DGKI: variants seen among roughly 807,000 people sequenced by gnomAD.
DGKI encodes the protein diacylglycerol kinase iota.
A neutral mutation model predicts 147.5 loss-of-function variants in DGKI; 55 were observed. That is an observed-to-expected ratio of 0.37 (90% CI 0.30 to 0.47). DGKI has a LOEUF of 0.47. Ranked by LOEUF, DGKI falls within the 20% of genes least tolerant of loss-of-function variation. The probability of loss-of-function intolerance (pLI) is 1.00; values close to 1 mark genes in which losing one functional copy is unlikely to be tolerated. For synonymous variants in DGKI, 469 were observed against 477.1 expected (o/e 0.98, Z 0.22); for missense variants, 1,007 against 1,323.8 (o/e 0.76, Z 3.71).
At chr7:137,618,151 A>ATATATATATATATATATATATATTT in intron 8 of DGKI, among the ~76,000 whole-genome samples, 24 of 10,440 alleles carry the variant, frequency 2.3e-3, no homozygotes, top group Non-Finnish European at 3.6e-3. Context: ...ATATATATAT[A>ATATATATATATATATATATATATTT]TTTTTTTTTT....
intron 1 of DGKI, among the ~76,000 whole-genome samples, chr7:137,750,576 CCT>C (rs1795465433): frequency 6.6e-6 from 1 of 152,126 alleles, no homozygotes; most frequent in South Asian, 2.1e-4. Flanking sequence ...CACTCACCTT[CCT>C]CTCTCAAAAA....
rs1209579595 is a variant in DGKI at position 137,638,491 on chromosome 7, CACAT to C, written c.804+6977_804+6980del. Among the ~76,000 whole-genome samples the C allele has an allele frequency of 2.7e-4, 33 of 121,428 alleles. 4 individuals carry two copies. Among genetic ancestry groups the C allele is most frequent in the Admixed American group, 2.3e-3 (28 of 12,276 alleles). The allele number at this position is 121,428 out of a possible 152,430, so 79.7% of individuals were successfully genotyped here. A position where few individuals can be genotyped will look rare whatever the true frequency, so the allele number is the denominator to read the frequency against. ...GTATATATGTGTGTATATATATACA[CACAT>C]ATATATGTATATATATGTGTGTATA... On this transcript the variant is annotated intron_variant, in intron 6 of 32. Coordinates refer to ENST00000614521, the MANE Select transcript of DGKI (RefSeq NM_001321708.2).
At chr7:137,696,031 C>T (rs1160571328) in intron 1 of DGKI, among the ~76,000 whole-genome samples, 3 of 152,144 alleles carry the variant, frequency 2.0e-5, no homozygotes, top group Non-Finnish European at 4.4e-5. Flanking sequence ...TATTATTGTT[C>T]GTACACACAT....
chr7:137,790,382 G>A (rs1250808299), intron 1 of DGKI, among the ~76,000 whole-genome samples: 1 of 152,138 alleles, frequency 6.6e-6, no homozygotes, highest in African/African-American at 2.4e-5. Flanking sequence ...ACTGCAATAA[G>A]CTACTGTGAG....
At chr7:137,651,055 TAA>T (rs1018049064) in intron 5 of DGKI, among the ~76,000 whole-genome samples, 4 of 152,246 alleles carry the variant, frequency 2.6e-5, no homozygotes, top group African/African-American at 9.6e-5. Flanking sequence ...GCTTTTGCTC[TAA>T]GAGTTATGGA....
chr7:137,756,484 A>G (rs1795686318), intron 1 of DGKI, among the ~76,000 whole-genome samples: 1 of 152,252 alleles, frequency 6.6e-6, no homozygotes, highest in Admixed American at 6.5e-5. Context: ...AAATCTTACA[A>G]TGTGAGAAAG....
At position 137,619,949 on chromosome 7, in the gene DGKI, A is replaced by T; in HGVS notation, c.877-9T>A. The T allele has an allele frequency of 6.2e-7, 1 of 1,608,514 alleles. No homozygotes were observed. On this transcript the variant is annotated splice_polypyrimidine_tract_variant and intron_variant, in intron 7 of 32. Coordinates refer to ENST00000614521, the MANE Select transcript of DGKI (RefSeq NM_001321708.2). ...GTCACCTTATTGTGAAACTGAAGAGAAAAATAAGCCAGTAAACAATTCTGG... is the reference window on the plus strand; with the variant it reads ...GTCACCTTATTGTGAAACTGAAGAGTAAAATAAGCCAGTAAACAATTCTGG...
chr7:137,524,737 T>A (rs1399585094), intron 20 of DGKI, among the ~76,000 whole-genome samples: 4 of 152,264 alleles, frequency 2.6e-5, no homozygotes, highest in East Asian at 1.9e-4. Flanking sequence ...GGGCAGAGGT[T>A]GAATGAACTC....
chr7:137,482,455 T>C (rs1285037735), intron 23 of DGKI, among the ~76,000 whole-genome samples: 1 of 151,928 alleles, frequency 6.6e-6, no homozygotes, highest in African/African-American at 2.4e-5. Flanking sequence ...TAAGCACCAT[T>C]CATCCATTTG....
intron 1 of DGKI, among the ~76,000 whole-genome samples, chr7:137,712,294 A>G (rs564355872): frequency 6.6e-6 from 1 of 152,156 alleles, no homozygotes; most frequent in Non-Finnish European, 1.5e-5. Flanking sequence ...TACCCTTTAT[A>G]ATTTCCAAAT....
intron 20 of DGKI, among the ~76,000 whole-genome samples, chr7:137,543,925 G>A (rs1817784032): frequency 6.6e-6 from 1 of 152,020 alleles, no homozygotes; most frequent in Admixed American, 6.6e-5. Flanking sequence ...TTTATTAACT[G>A]ATTTTTAAAA....
intron 21 of DGKI, among the ~76,000 whole-genome samples, chr7:137,511,626 G>A (rs934228683): frequency 6.6e-6 from 1 of 152,218 alleles, no homozygotes; most frequent in East Asian, 1.9e-4. Context: ...ATAGATCGTT[G>A]TTAAATGAAG....
intron 19 of DGKI, among the ~76,000 whole-genome samples, chr7:137,562,118 A>T (rs1229014911): frequency 1.3e-5 from 2 of 152,220 alleles, no homozygotes; most frequent in East Asian, 3.8e-4. Flanking sequence ...ACAGGTGGGT[A>T]ACAAAGGACT....
chr7:137,464,057 G>A (rs1814554868), intron 26 of DGKI, among the ~76,000 whole-genome samples: 1 of 151,866 alleles, frequency 6.6e-6, no homozygotes, highest in Non-Finnish European at 1.5e-5. Flanking sequence ...GTCTAGCAAG[G>A]CCAAAGCATT....
chr7:137,711,013 A>T (rs1794192975), intron 1 of DGKI, among the ~76,000 whole-genome samples: 1 of 152,144 alleles, frequency 6.6e-6, no homozygotes, highest in Admixed American at 6.5e-5. Context: ...GATAACTGGA[A>T]ATTCATCCCC....
In DGKI at chr7:137,470,781, A is replaced by G. The variant is rs79167826; in HGVS notation, c.2374-1162T>C. Among the ~76,000 whole-genome samples the G allele has an allele frequency of 4.8e-4, 73 of 152,142 alleles. No individual in the cohort carries two copies. The South Asian group carries it at 0.014, about 29-fold the overall frequency. On this transcript the variant is annotated intron_variant, in intron 23 of 32. Transcript: ENST00000614521. ...TTCCAAACTCCTGAAGCTTATGTTT[A>G]TTATCTCCTGCTCCAAGTCTCACTT...
chr7:137,609,018 G>C lies in DGKI; in HGVS notation c.1115C>G (p.Pro372Arg). ...RPFVIKPISS[P>R]LMKPLLVFVN... ...AAATACAAGCAAGGGTTTCATGAGA[G>C]GAGAAGAGATGGGTTTTATCACAAA... The change falls in exon 10 of 33, where the codon CCT (proline) becomes CGT (arginine). Residue 372 changes from proline (P) to arginine (R), a missense_variant. By Grantham distance (103) the Pro-to-Arg change is moderately radical. This residue lies in a region of DGKI where 259 missense variants were observed against 362.5 expected (regional missense o/e 0.71). Transcript: ENST00000614521. The C allele has an allele frequency of 1.2e-6, 2 of 1,613,772 alleles. No homozygotes were observed. Among genetic ancestry groups the C allele is most frequent in the Non-Finnish European group, 1.7e-6 (2 of 1,179,746 alleles).
chr7:137,628,964 G>A (rs374372981), intron 6 of DGKI, among the ~76,000 whole-genome samples: 43 of 152,204 alleles, frequency 2.8e-4, no homozygotes, highest in African/African-American at 1.0e-3. Context: ...TTTGGGGTGA[G>A]AGAATATTCT....
chr7:137,591,460 C>T (rs953889279), intron 12 of DGKI, among the ~76,000 whole-genome samples: 1 of 152,124 alleles, frequency 6.6e-6, no homozygotes, highest in Admixed American at 6.5e-5. Flanking sequence ...GTCTATATCG[C>T]CCCTCCACAG....
Sources: allele counts gnomAD v4.1 joint callset (sites outside exome capture counted in the v4.1 genomes callset), GRCh38; gene constraint gnomAD v4.1.1; regional missense constraint gnomAD v4.1.1; transcripts MANE v1.5; gene names NCBI Gene and HGNC (gene_info 2026-07-23, HGNC 2026-07-21).